PNPT1: variants seen among roughly 807,000 people sequenced by gnomAD.
PNPT1 encodes the protein polyribonucleotide nucleotidyltransferase 1, mitochondrial.
A neutral mutation model predicts 119.5 loss-of-function variants in PNPT1; 53 were observed. The ratio of observed to expected loss-of-function variants is 0.44; its 90% confidence interval spans 0.36 to 0.56. PNPT1 has a LOEUF of 0.56. Among genes scored for constraint, PNPT1 ranks in the 20% least tolerant of loss-of-function variants. The probability of loss-of-function intolerance (pLI) is 0.00; values close to 1 mark genes in which losing one functional copy is unlikely to be tolerated. For synonymous variants in PNPT1, 357 were observed against 322.1 expected (o/e 1.11, Z -1.16); for missense variants, 948 against 938.5 (o/e 1.01, Z -0.13).
At position 55,660,210 on chromosome 2, in the gene PNPT1, TA is replaced by T; in HGVS notation, c.1248-18del. ...TTTATCCCACTAAAAATAAAAGGCA[TA>T]ATATTAAAAACATCATAGGGAAAAA... On this transcript the variant is annotated intron_variant, in intron 14 of 27. Transcript: ENST00000447944. The T allele has an allele frequency of 6.3e-7, 1 of 1,579,306 alleles. No individual in the cohort carries two copies. The highest frequency in any genetic ancestry group is 8.6e-7 in the Non-Finnish European group (1 of 1,161,644).
At chr2:55,651,052 G>A (rs1435701365) in intron 18 of PNPT1, among the ~76,000 whole-genome samples, 8 of 136,864 alleles carry the variant, frequency 5.8e-5, no homozygotes, top group Admixed American at 5.0e-4. Context: ...CTGGCCGGCC[G>A]CCCCGTCCAG....
chr2:55,680,597 C>T, intron 7 of PNPT1, 115 bp downstream of exon 7: 1 of 950,088 alleles, frequency 1.1e-6, no homozygotes. Context: ...TCATCTAGTT[C>T]AATTCATGAA....
At chr2:55,680,332 G>C (rs1697205514) in intron 7 of PNPT1, among the ~76,000 whole-genome samples, 1 of 151,166 alleles carries the variant, frequency 6.6e-6, no homozygotes, top group Non-Finnish European at 1.5e-5. Context: ...TACTCACTGA[G>C]CCATTTTTAT....
chr2:55,680,996 T>A, intron 5 of PNPT1, 78 bp from the exon 6 acceptor site: 2 of 1,172,390 alleles, frequency 1.7e-6, no homozygotes, highest in Non-Finnish European at 2.5e-6. Context: ...AAGAGCACTA[T>A]ATGGCTAAAA....
intron 15 of PNPT1, among the ~76,000 whole-genome samples, chr2:55,659,365 C>G (rs1336251773): frequency 6.6e-6 from 1 of 152,192 alleles, no homozygotes; most frequent in Non-Finnish European, 1.5e-5. Context: ...CTATAATCAT[C>G]TCATATAAAG....
chr2:55,677,884 G>T (rs148404601), intron 8 of PNPT1, among the ~76,000 whole-genome samples: 1 of 151,754 alleles, frequency 6.6e-6, no homozygotes, highest in Non-Finnish European at 1.5e-5. Flanking sequence ...GACTACAGGC[G>T]CCCGCCAACA....
rs7594497 is a variant in PNPT1, at chr2:55,645,403, T to C, written c.1768A>G (p.Asn590Asp). 0.069 allele frequency: 111,025 copies of C among 1,610,162 alleles called. 7,848 individuals carry two copies. Among genetic ancestry groups the C allele is most frequent in the African/African-American group, 0.37 (27,946 of 74,570 alleles). ...VAKKEILQIM[N>D]KTISKPRASR... ...GCTCGAGGTTTTGAAATAGTTTTGT[T>C]CATGATCTGTAATATCTCCTTTTTT... Residue 590 changes from asparagine to aspartate, a missense_variant, in exon 22 of 28, where the codon AAC (asparagine) becomes GAC (aspartate). Coordinates refer to ENST00000447944, the MANE Select transcript of PNPT1 (RefSeq NM_033109.5).
intron 19 of PNPT1, 66 bp from the exon 20 acceptor site, chr2:55,646,552 GA>G: frequency 7.5e-7 from 1 of 1,333,952 alleles, no homozygotes; most frequent in East Asian, 2.3e-5. Flanking sequence ...ATTCACTGTA[GA>G]AACATTTCAA....
At chr2:55,643,482 C>T in intron 23 of PNPT1, 57 bp from the exon 24 acceptor site, 3 of 1,449,288 alleles carry the variant, frequency 2.1e-6, no homozygotes, top group East Asian at 4.6e-5. Context: ...TAGTGGGTCA[C>T]ATCTGTAATC....
intron 15 of PNPT1, among the ~76,000 whole-genome samples, chr2:55,659,665 G>C (rs1434232989): frequency 6.6e-6 from 1 of 151,978 alleles, no homozygotes; most frequent in Non-Finnish European, 1.5e-5. Context: ...GTACTTTAGA[G>C]AGTGCTAAAT....
chr2:55,646,197 A>T, intron 21 of PNPT1, 62 bp downstream of exon 21: 1 of 1,434,512 alleles, frequency 7.0e-7, no homozygotes, highest in Admixed American at 2.0e-5. Flanking sequence ...GCCTAATGAG[A>T]ACTATAGTTC....
chr2:55,691,318 T>C (rs887334517), intron 1 of PNPT1, among the ~76,000 whole-genome samples: 1 of 152,250 alleles, frequency 6.6e-6, no homozygotes, highest in Non-Finnish European at 1.5e-5. Flanking sequence ...GCATTAAATA[T>C]ACTATCTGAA....
At chr2:55,681,569 G>A (rs1003745235) in intron 5 of PNPT1, among the ~76,000 whole-genome samples, 2 of 152,148 alleles carry the variant, frequency 1.3e-5, no homozygotes, top group Non-Finnish European at 2.9e-5. Context: ...TCTAGGCCAG[G>A]CATGGTGGCT....
intron 8 of PNPT1, among the ~76,000 whole-genome samples, chr2:55,673,983 A>G (rs1412140713): frequency 6.6e-6 from 1 of 152,176 alleles, no homozygotes; most frequent in Non-Finnish European, 1.5e-5. Flanking sequence ...TCAGCCTCCT[A>G]AAGTGCTGGG....
At position 55,686,437 on chromosome 2, in the gene PNPT1, T is replaced by C. The variant is rs1239776741; in HGVS notation, c.230A>G (p.Asp77Gly). ...GACCGCTGTGACCATTACTGCAGTG[T>C]CACCTGACTTAAACATAAAGAACAA... ...ADGSAVVQSG[D>G]TAVMVTAVSK... is the part of the protein sequence containing the mutation. The change falls in exon 3 of 28, where the codon GAC becomes GGC. Residue 77 changes from aspartate (D) to glycine (G), a missense_variant. By Grantham distance (94) the Asp-to-Gly change is moderately conservative. Coordinates refer to ENST00000447944, the MANE Select transcript of PNPT1 (RefSeq NM_033109.5). 1.9e-6 allele frequency: 3 copies of C among 1,613,292 alleles called. No individual in the cohort carries two copies. Among genetic ancestry groups the C allele is most frequent in the Admixed American group, 1.7e-5 (1 of 59,896 alleles).
At chr2:55,664,867 A>G (rs774172009) in intron 13 of PNPT1, among the ~76,000 whole-genome samples, 2 of 152,118 alleles carry the variant, frequency 1.3e-5, no homozygotes, top group Non-Finnish European at 2.9e-5. Flanking sequence ...TATAACTTAA[A>G]TTGTAAAAGT....
intron 13 of PNPT1, among the ~76,000 whole-genome samples, chr2:55,664,331 G>A (rs1351284600): frequency 6.6e-6 from 1 of 152,144 alleles, no homozygotes; most frequent in East Asian, 1.9e-4. Context: ...AAGACTGTGA[G>A]GGTCTTATGC....
In PNPT1 at chr2:55,647,403, T is replaced by C; in HGVS notation, c.1546A>G (p.Lys516Glu). ...ATTTCACCCTTCTCAGGATCGGTTT[T>C]GGTGACCAATCCTATTGCTACGCCT... Reference protein sequence around the residue: ...VAGVAIGLVTKTDPEKGEIED... With the variant: ...VAGVAIGLVTETDPEKGEIED... The change falls in exon 19 of 28, where the codon AAA (lysine) becomes GAA (glutamate). Residue 516 changes from lysine to glutamate, a missense_variant. Coordinates refer to ENST00000447944, the MANE Select transcript of PNPT1 (RefSeq NM_033109.5). 6.2e-7 allele frequency: 1 copy of C among 1,609,980 alleles called. No individual in the cohort carries two copies. The highest frequency in any genetic ancestry group is 8.5e-7 in the Non-Finnish European group (1 of 1,177,314).
intron 13 of PNPT1, 30 bp from the exon 14 acceptor site, chr2:55,662,056 T>TA (rs751627232): frequency 6.0e-6 from 9 of 1,502,202 alleles, no homozygotes; most frequent in Non-Finnish European, 8.0e-6. Flanking sequence ...CCTCAGGCTT[T>TA]AATATACTAA....
Sources: gnomAD v4.1 joint callset for allele counts (sites outside exome capture counted in the v4.1 genomes callset) on GRCh38, gnomAD v4.1.1 for gene constraint, MANE v1.5 for transcripts, NCBI Gene and HGNC (gene_info 2026-07-23, HGNC 2026-07-21) for gene names.